Variants in NSRP1 observed in about 807,000 individuals in gnomAD.
NSRP1 encodes the protein coiled-coil domain containing 55.
Under a neutral mutation model 54.7 loss-of-function variants are expected in NSRP1, and 24 were observed. The ratio of observed to expected loss-of-function variants is 0.44; its 90% confidence interval spans 0.32 to 0.62. The LOEUF is 0.62. Ranked by LOEUF, NSRP1 falls within the 20% of genes least tolerant of loss-of-function variation. NSRP1 has a pLI of 0.06. For missense variants in NSRP1, 596 were observed against 651.2 expected (o/e 0.92, Z 0.92); for synonymous variants, 210 against 213.8 (o/e 0.98, Z 0.15).
chr17:30,168,355 C>G (rs1316485790), intron 2 of NSRP1: 4 of 151,754 alleles, frequency 2.6e-5, no homozygotes, highest in African/African-American at 9.7e-5. Flanking sequence ...TTCTGGATTT[C>G]CATTTAAAAT....
intron 2 of NSRP1, among the ~76,000 whole-genome samples, chr17:30,170,676 C>T (rs771428633): frequency 7.2e-5 from 11 of 152,126 alleles, no homozygotes; most frequent in Non-Finnish European, 1.6e-4. Context: ...TTTATCCATT[C>T]ATTTGTCAAT....
At position 30,142,482 on chromosome 17, in the gene NSRP1, C is replaced by T. The variant is rs144863506; in HGVS notation, c.114+24309C>T. On this transcript the variant is annotated intron_variant, in intron 2 of 6. Coordinates refer to ENST00000247026, the MANE Select transcript of NSRP1 (RefSeq NM_032141.4). ...TTGGGAATATAGGCATGTGCCACCA[C>T]GCCTGGCTAATTAAAAAAAAAAAAA... Among the ~76,000 whole-genome samples the T allele has an allele frequency of 5.4e-3, 812 of 150,284 alleles. 7 individuals carry two copies. Among genetic ancestry groups the T allele is most frequent in the Middle Eastern group, 0.01 (3 of 294 alleles).
intron 2 of NSRP1, among the ~76,000 whole-genome samples, chr17:30,139,041 C>A (rs541716184): frequency 2.7e-5 from 4 of 149,820 alleles, no homozygotes; most frequent in South Asian, 2.1e-4. Context: ...CCTCAGCCTC[C>A]CGAGTAGCTG....
intron 2 of NSRP1, among the ~76,000 whole-genome samples, chr17:30,170,503 T>G (rs1308549420): frequency 6.6e-6 from 1 of 152,210 alleles, no homozygotes; most frequent in East Asian, 1.9e-4. Context: ...TTTATCTCTG[T>G]GAGAGATTCC....
At chr17:30,168,319 A>G (rs941993009) in intron 2 of NSRP1, 1 of 152,066 alleles carries the variant, frequency 6.6e-6, no homozygotes, top group African/African-American at 2.4e-5. Flanking sequence ...TGTTGTTGTT[A>G]CTATTTTTAG....
rs535414174 is a variant in NSRP1, at chr17:30,156,629, C to G, written c.115-15913C>G. ...CCACCTCCTGGGTTCAAGCGATTTT[C>G]CTGCCTCAGCCTCCCAAATAGCTGC... On this transcript the variant is annotated intron_variant, in intron 2 of 6. Coordinates refer to ENST00000247026, the MANE Select transcript of NSRP1 (RefSeq NM_032141.4). 133 of 152,190 alleles carry G rather than the reference C, an allele frequency of 8.7e-4. 2 individuals are homozygous for G. Among genetic ancestry groups the G allele is most frequent in the Middle Eastern group, 3.4e-3 (1 of 296 alleles). 9.4% of individuals were successfully genotyped at this position (152,190 alleles called of 1,614,324 possible).
intron 3 of NSRP1, among the ~76,000 whole-genome samples, chr17:30,173,317 C>T (rs901072186): frequency 1.3e-5 from 2 of 152,136 alleles, no homozygotes; most frequent in African/African-American, 4.8e-5. Flanking sequence ...ATACATTTAT[C>T]TTTTACAGTT....
chr17:30,180,898 C>T lies in NSRP1; in HGVS notation c.509-10C>T, dbSNP rs1370457995. 4 of 1,581,702 alleles carry T rather than the reference C, an allele frequency of 2.5e-6. No individual in the cohort carries two copies. The highest frequency in any genetic ancestry group is 3.5e-6 in the Non-Finnish European group (4 of 1,152,102). On this transcript the variant is annotated splice_polypyrimidine_tract_variant and intron_variant, in intron 5 of 6. Transcript: ENST00000247026. ...TGAATATATTCTAATTTTTGCTTTCCCTCTGTTAGCATGTTTGGATGTAAC... is the reference window on the plus strand; with the variant it reads ...TGAATATATTCTAATTTTTGCTTTCTCTCTGTTAGCATGTTTGGATGTAAC...
At chr17:30,173,654 G>A (rs1198817165) in intron 3 of NSRP1, among the ~76,000 whole-genome samples, 1 of 152,174 alleles carries the variant, frequency 6.6e-6, no homozygotes, top group Non-Finnish European at 1.5e-5. Flanking sequence ...TGACAACTAT[G>A]TTTTAAGAAT....
intron 2 of NSRP1, among the ~76,000 whole-genome samples, chr17:30,137,512 T>G (rs1297649082): frequency 6.6e-6 from 1 of 152,192 alleles, no homozygotes; most frequent in Non-Finnish European, 1.5e-5. Context: ...TCAGCTTCAG[T>G]CCTAGAATGA....
chr17:30,180,331 A>G (rs1905253251), intron 5 of NSRP1, among the ~76,000 whole-genome samples: 1 of 151,128 alleles, frequency 6.6e-6, no homozygotes, highest in South Asian at 2.1e-4. Flanking sequence ...TAATTTTTAT[A>G]TTTTTATAGA....
At chr17:30,117,631 C>T in intron 1 of NSRP1, 1 of 335,150 alleles carries the variant, frequency 3.0e-6, no homozygotes. Flanking sequence ...CCAGTCAGTT[C>T]TTAGAAACTG....
intron 2 of NSRP1, among the ~76,000 whole-genome samples, chr17:30,143,889 G>C (rs991441587): frequency 1.3e-5 from 2 of 152,080 alleles, no homozygotes; most frequent in Non-Finnish European, 2.9e-5. Context: ...CATTCTCCAT[G>C]ATGTGCTTAT....
At chr17:30,163,327 C>T (rs1416811877) in intron 2 of NSRP1, among the ~76,000 whole-genome samples, 1 of 151,528 alleles carries the variant, frequency 6.6e-6, no homozygotes, top group Non-Finnish European at 1.5e-5. Flanking sequence ...CCCTCCTCGG[C>T]CTCCCAGAGT....
Position 30,184,799 on chromosome 17 carries a change from A to C in NSRP1, c.802A>C (p.Arg268=), listed in dbSNP as rs768196564. ...AATAGAAGAAACTAGAGTGAACTGCAGAAGGGAAAAGGTCATAGAGACCCC... is the reference window on the plus strand; with the variant it reads ...AATAGAAGAAACTAGAGTGAACTGCCGAAGGGAAAAGGTCATAGAGACCCC... ...DEIEETRVNC[R]REKVIETPEN... is the part of the protein sequence containing the mutation. Residue 268 remains arginine, a synonymous_variant, in exon 7 of 7, where the codon AGA becomes CGA. Coordinates refer to ENST00000247026, the MANE Select transcript of NSRP1 (RefSeq NM_032141.4). The C allele has an allele frequency of 6.2e-7, 1 of 1,614,028 alleles. No homozygotes were observed. Among genetic ancestry groups the C allele is most frequent in the Admixed American group, 1.7e-5 (1 of 59,994 alleles).
intron 2 of NSRP1, among the ~76,000 whole-genome samples, chr17:30,121,636 T>C (rs1454526799): frequency 6.7e-6 from 1 of 150,226 alleles, no homozygotes; most frequent in Non-Finnish European, 1.5e-5. Context: ...TGATCTCGGC[T>C]CACTGCAACT....
chr17:30,168,465 G>C (rs1189235438), intron 2 of NSRP1, among the ~76,000 whole-genome samples: 1 of 151,388 alleles, frequency 6.6e-6, no homozygotes, highest in Admixed American at 6.6e-5. Flanking sequence ...CACAGAATAG[G>C]CCACAATACA....
chr17:30,168,367 T>C (rs1904810807), intron 2 of NSRP1, among the ~76,000 whole-genome samples: 1 of 152,012 alleles, frequency 6.6e-6, no homozygotes, highest in African/African-American at 2.4e-5. Flanking sequence ...ATTTAAAATA[T>C]ATTTAAAGAA....
At chr17:30,151,751 C>T (rs1031918158) in intron 2 of NSRP1, among the ~76,000 whole-genome samples, 11 of 149,118 alleles carry the variant, frequency 7.4e-5, no homozygotes, top group South Asian at 2.1e-4. Context: ...GTATTTTTTT[C>T]CCATTCTGTG....
Sources: allele counts gnomAD v4.1 joint callset (sites outside exome capture counted in the v4.1 genomes callset), GRCh38; gene constraint gnomAD v4.1.1; transcripts MANE v1.5; gene names NCBI Gene and HGNC (gene_info 2026-07-23, HGNC 2026-07-21).